The following CCNF variants were observed in gnomAD, a reference collection of about 807,000 sequenced individuals.
CCNF encodes cyclin-F.
Under a neutral mutation model 85.4 loss-of-function variants are expected in CCNF, and 30 were observed. That is an observed-to-expected ratio of 0.35 (90% confidence interval 0.26 to 0.48). The LOEUF (loss-of-function observed/expected upper bound fraction) is 0.48, where lower values mean the gene tolerates loss of function less well. Ranked by LOEUF, CCNF falls within the 20% of genes least tolerant of loss-of-function variation. The pLI is 0.99. For synonymous variants in CCNF, 439 were observed against 425.1 expected (o/e 1.03, Z -0.40); for missense variants, 919 against 1,010.4 (o/e 0.91, Z 1.23).
At chr16:2,431,006 C>A in intron 1 of CCNF, 124 bp from the exon 2 acceptor site, 2 of 1,018,440 alleles carry the variant, frequency 2.0e-6, no homozygotes, top group Non-Finnish European at 3.1e-6. Flanking sequence ...TCTTTTGTGG[C>A]ACAGGGAATA....
Position 2,457,295 on chromosome 16 carries a change from G to A in CCNF, c.*275G>A, listed in dbSNP as rs568662712. ...TGGAGGGCACCTCTCTGTCCCTTCC[G>A]TGTCTCACTGTCTCTGGAAGCTTCA... On this transcript the variant is annotated 3_prime_UTR_variant, in exon 17 of 17. Transcript: ENST00000397066. The A allele has an allele frequency of 3.9e-4, 127 of 329,038 alleles. No homozygotes were observed. Among genetic ancestry groups the A allele is most frequent in the African/African-American group, 2.4e-3 (116 of 47,486 alleles). 20.4% of individuals were successfully genotyped at this position (329,038 alleles called of 1,614,324 possible). A position where few individuals can be genotyped will look rare whatever the true frequency, so the allele number is the denominator to read the frequency against.
Position 2,457,050 on chromosome 16 carries a change from T to A in CCNF, c.*30T>A. The stretch of plus-strand genomic sequence containing the variant: ...GTCAGCACATTTGCCGCAGTGGATG[T>A]GTACTGAGGGGGCTGGAGGCGAAGG... On this transcript the variant is annotated 3_prime_UTR_variant, in exon 17 of 17. Transcript: ENST00000397066. 1 of 1,503,972 alleles carries A rather than the reference T, an allele frequency of 6.6e-7. No homozygotes were observed. Among genetic ancestry groups the A allele is most frequent in the Non-Finnish European group, 9.0e-7 (1 of 1,108,396 alleles). 93.2% of individuals were successfully genotyped at this position (1,503,972 alleles called of 1,614,324 possible).
At position 2,449,368 on chromosome 16, in the gene CCNF, C is replaced by T. The variant is rs199857541; in HGVS notation, c.1305C>T (p.Cys435=). 1.2e-5 allele frequency: 20 copies of T among 1,613,346 alleles called. 1 individual carries two copies. The highest frequency in any genetic ancestry group is 1.1e-4 in the South Asian group (10 of 91,088). The change falls in exon 12 of 17, where the codon TGC becomes TGT. Residue 435 remains cysteine, a synonymous_variant. Coordinates refer to ENST00000397066, the MANE Select transcript of CCNF (RefSeq NM_001761.3). ...CCCAGCACCTGTGCAGCTTCCTCTG[C>T]GAGCTCTCCCTGCTGCACACCAGCC... ...LRTQHLCSFL[C]ELSLLHTSLS...
chr16:2,441,979 A>T (rs1276153379), intron 8 of CCNF, among the ~76,000 whole-genome samples: 6 of 97,774 alleles, frequency 6.1e-5, no homozygotes, highest in Non-Finnish European at 4.3e-5. Context: ...ATATATATAT[A>T]TATGTTTTTG....
chr16:2,441,421 GCAA>G (rs1476259130), intron 8 of CCNF, among the ~76,000 whole-genome samples: 28 of 152,038 alleles, frequency 1.8e-4, no homozygotes, highest in Admixed American at 1.8e-3. Context: ...TACAAGAAAT[GCAA>G]CAACGTAGTT....
chr16:2,441,217 A>G (rs1393313686), intron 8 of CCNF, among the ~76,000 whole-genome samples: 2 of 150,846 alleles, frequency 1.3e-5, no homozygotes, highest in African/African-American at 4.9e-5. Flanking sequence ...CTGGCAACAG[A>G]GCGATACTCC....
rs773326682 is a variant in CCNF, at chr16:2,437,152, G to A, written c.370G>A (p.Ala124Thr). The A allele has an allele frequency of 1.1e-5, 17 of 1,604,618 alleles. No homozygotes were observed. Among genetic ancestry groups the A allele is most frequent in the East Asian group, 2.2e-5 (1 of 44,568 alleles). Reference protein sequence around the residue: ...EGLSVSDEARAEVNGLKASRF... With the variant: ...EGLSVSDEARTEVNGLKASRF... ...AGTGTCTGTGTCTGATGAGGCCCGC[G>A]CAGAAGTGAATGGCCTGAAGGCCTC... The change falls in exon 5 of 17, where the codon GCA becomes ACA. Residue 124 changes from alanine (A) to threonine (T), a missense_variant. Ala to Thr is a moderately conservative substitution (Grantham distance 58, BLOSUM62 0). Transcript: ENST00000397066.
chr16:2,449,130 G>T (rs957108366), intron 11 of CCNF, 152 bp downstream of exon 11: 5 of 1,429,720 alleles, frequency 3.5e-6, no homozygotes, highest in Non-Finnish European at 2.0e-6. Flanking sequence ...AGGAGGCCAC[G>T]GTTGCACCAC....
At position 2,435,805 on chromosome 16, in the gene CCNF, G is replaced by C; in HGVS notation, c.279-1G>C. 6.2e-7 allele frequency: 1 copy of C among 1,612,838 alleles called. No individual in the cohort carries two copies. The highest frequency in any genetic ancestry group is 8.5e-7 in the Non-Finnish European group (1 of 1,179,134). On this transcript the variant is annotated splice_acceptor_variant, in intron 3 of 16. Transcript: ENST00000397066. LOFTEE classifies it high-confidence loss of function. Reference sequence around the variant, plus strand: ...GATGCTTTATGTTCTTAATGTTTCAGGGCTGCTGAAAAGGGGAATTTCGAA... The same window carrying C: ...GATGCTTTATGTTCTTAATGTTTCACGGCTGCTGAAAAGGGGAATTTCGAA...
chr16:2,434,069 G>T (rs1220019486), intron 3 of CCNF, among the ~76,000 whole-genome samples: 2 of 151,882 alleles, frequency 1.3e-5, no homozygotes, highest in Non-Finnish European at 2.9e-5. Flanking sequence ...ACTTTGGGAG[G>T]CCAAGGCGGG....
rs765259053 is a variant in CCNF at position 2,455,495 on chromosome 16, G to A, written c.1816G>A (p.Asp606Asn). ...QEETLLGSFL[D>N]WSLDCCSGYE... Reference sequence around the variant, plus strand: ...GGAGACGCTGCTGGGCAGCTTCCTCGACTGGAGCCTGGACTGCTGCTCTGG... The same window carrying A: ...GGAGACGCTGCTGGGCAGCTTCCTCAACTGGAGCCTGGACTGCTGCTCTGG... The change falls in exon 16 of 17, where the codon GAC becomes AAC. Residue 606 changes from aspartate (D) to asparagine (N), a missense_variant. Coordinates refer to ENST00000397066, the MANE Select transcript of CCNF (RefSeq NM_001761.3). 11 of 1,607,268 alleles carry A rather than the reference G, an allele frequency of 6.8e-6. No homozygotes were observed. Among genetic ancestry groups the A allele is most frequent in the East Asian group, 2.2e-5 (1 of 44,648 alleles).
chr16:2,457,075 G>T lies in CCNF; in HGVS notation c.*55G>T. 7.5e-7 allele frequency: 1 copy of T among 1,331,804 alleles called. No homozygotes were observed. Among genetic ancestry groups the T allele is most frequent in the Non-Finnish European group, 1.0e-6 (1 of 966,976 alleles). The allele number at this position is 1,331,804 out of a possible 1,614,324, so 82.5% of individuals were successfully genotyped here. A position where few individuals can be genotyped will look rare whatever the true frequency, so the allele number is the denominator to read the frequency against. On this transcript the variant is annotated 3_prime_UTR_variant, in exon 17 of 17. Coordinates refer to ENST00000397066, the MANE Select transcript of CCNF (RefSeq NM_001761.3). ...TGTACTGAGGGGGCTGGAGGCGAAGGGTGGGAGCATAGCATAGGAACGCTG... is the reference window on the plus strand; with the variant it reads ...TGTACTGAGGGGGCTGGAGGCGAAGTGTGGGAGCATAGCATAGGAACGCTG...
Position 2,455,267 on chromosome 16 carries a change from G to T in CCNF, c.1716-128G>T, listed in dbSNP as rs190822428. The T allele has an allele frequency of 5.6e-5, 69 of 1,242,630 alleles. No homozygotes were observed. The African/African-American group carries it at 8.9e-4, about 16-fold the overall frequency. 77.0% of individuals were successfully genotyped at this position (1,242,630 alleles called of 1,614,324 possible). On this transcript the variant is annotated intron_variant, in intron 15 of 16. Transcript: ENST00000397066. ...TTCTAGCTTCACCGGCATCTTCTTC[G>T]TAGCAGAACCTTTGGGAGCACGTGG...
intron 8 of CCNF, among the ~76,000 whole-genome samples, chr16:2,441,397 A>G (rs1161761837): frequency 6.6e-6 from 1 of 152,168 alleles, no homozygotes; most frequent in African/African-American, 2.4e-5. Context: ...CCCTATCTCA[A>G]CAAAAACATT....
intron 1 of CCNF, 88 bp downstream of exon 1, chr16:2,429,585 G>T (rs2065252405): frequency 8.6e-7 from 1 of 1,157,256 alleles, no homozygotes; most frequent in Non-Finnish European, 1.1e-6. Context: ...CGGGAGGGGA[G>T]GCCCTGGCGG....
chr16:2,455,456 C>T lies in CCNF; in HGVS notation c.1777C>T (p.Leu593=), dbSNP rs1181243555. The change falls in exon 16 of 17, where the codon CTG becomes TTG. Residue 593 remains leucine, a synonymous_variant. Coordinates refer to ENST00000397066, the MANE Select transcript of CCNF (RefSeq NM_001761.3). ...CTTCGTTACCACCCCCACTGCGGAG[C>T]TGTCCAGCCAGGAGGAGACGCTGCT... The part of the protein sequence containing the change: ...GSFVTTPTAE[L]SSQEETLLGS... The T allele has an allele frequency of 8.7e-6, 14 of 1,600,878 alleles. No individual in the cohort carries two copies. Among genetic ancestry groups the T allele is most frequent in the Non-Finnish European group, 1.2e-5 (14 of 1,169,756 alleles).
Position 2,449,395 on chromosome 16 carries a change from G to T in CCNF, c.1332G>T (p.Leu444=). Residue 444 remains leucine, a synonymous_variant, in exon 12 of 17, where the codon CTG becomes CTT. Transcript: ENST00000397066. ...AGCTCTCCCTGCTGCACACCAGCCT[G>T]TCCGCCTACGCCCCAGCCCGCCTGG... is the stretch of plus-strand genomic sequence containing the variant. The part of the protein sequence containing the change: ...LCELSLLHTS[L]SAYAPARLAA... The T allele has an allele frequency of 6.2e-7, 1 of 1,612,308 alleles. No individual in the cohort carries two copies.
At chr16:2,455,757 G>C (rs545546727) in intron 16 of CCNF, among the ~76,000 whole-genome samples, 193 bp downstream of exon 16, 1 of 152,298 alleles carries the variant, frequency 6.6e-6, no homozygotes, top group South Asian at 2.1e-4. Flanking sequence ...GCCCCCAAAA[G>C]ACCACAGCTG....
chr16:2,441,985 T>TG (rs2065325458), intron 8 of CCNF, among the ~76,000 whole-genome samples: 1 of 100,928 alleles, frequency 9.9e-6, no homozygotes, highest in African/African-American at 3.7e-5. Flanking sequence ...ATATATATGT[T>TG]TTTGTTTTTG....
Sources: allele counts gnomAD v4.1 joint callset (sites outside exome capture counted in the v4.1 genomes callset), GRCh38; gene constraint gnomAD v4.1.1; transcripts MANE v1.5; gene names NCBI Gene and HGNC (gene_info 2026-07-23, HGNC 2026-07-21).